CFH: variants seen among roughly 807,000 people sequenced by gnomAD.
CFH encodes H factor 1 (complement).
CFH carries 53 observed loss-of-function variants against 147.3 expected under a neutral mutation model. The observed-to-expected ratio is 0.36, with a 90% confidence interval of 0.29 to 0.45. The LOEUF (loss-of-function observed/expected upper bound fraction) is 0.45. Ranked by LOEUF, CFH falls within the 20% of genes least tolerant of loss-of-function variation. The pLI is 1.00. For missense variants in CFH, 1,380 were observed against 1,498.0 expected (o/e 0.92, Z 1.30); for synonymous variants, 536 against 489.4 (o/e 1.10, Z -1.26).
intron 3 of CFH, among the ~76,000 whole-genome samples, chr1:196,674,579 T>G (rs149265489): frequency 2.1e-5 from 3 of 143,944 alleles, no homozygotes; most frequent in African/African-American, 7.3e-5. Context: ...AGATGAAAAA[T>G]TATTTTGGAG....
chr1:196,744,903 C>A (rs185714338), intron 20 of CFH, among the ~76,000 whole-genome samples: 27 of 152,136 alleles, frequency 1.8e-4, no homozygotes, highest in African/African-American at 6.5e-4. Context: ...CCCTTGGTAT[C>A]CCTTTCTCTG....
At chr1:196,723,325 ACT>A (rs1157081844) in intron 11 of CFH, among the ~76,000 whole-genome samples, 8 of 151,812 alleles carry the variant, frequency 5.3e-5, no homozygotes, top group African/African-American at 1.9e-4. Flanking sequence ...AGTGGTAAAG[ACT>A]CTGTTTGAGT....
intron 1 of CFH, among the ~76,000 whole-genome samples, chr1:196,653,297 C>T (rs1242877922): frequency 1.3e-5 from 2 of 151,488 alleles, no homozygotes; most frequent in African/African-American, 4.8e-5. Flanking sequence ...TTATATGTAG[C>T]CACTTTTTAA....
At position 196,747,104 on chromosome 1, in the gene CFH, T is replaced by G; in HGVS notation, c.3494-7T>G. 6.2e-7 allele frequency: 1 copy of G among 1,613,840 alleles called. No individual in the cohort carries two copies. Among genetic ancestry groups the G allele is most frequent in the Non-Finnish European group, 8.5e-7 (1 of 1,179,806 alleles). The stretch of plus-strand genomic sequence containing the variant: ...AATGTTTTATGTTTACTGTTTTTTA[T>G]TTTCAGATCCGTGTGTAATATCCCG... On this transcript the variant is annotated splice_region_variant and splice_polypyrimidine_tract_variant and intron_variant, in intron 21 of 21. Coordinates refer to ENST00000367429, the MANE Select transcript of CFH (RefSeq NM_000186.4).
chr1:196,704,386 G>C (rs1004098771), intron 9 of CFH, among the ~76,000 whole-genome samples: 4 of 152,186 alleles, frequency 2.6e-5, no homozygotes, highest in Non-Finnish European at 4.4e-5. Context: ...ACAGGTGTGA[G>C]CCACTGCTCC....
chr1:196,658,112 A>C (rs1163665172), intron 1 of CFH, among the ~76,000 whole-genome samples: 1 of 152,142 alleles, frequency 6.6e-6, no homozygotes, highest in Non-Finnish European at 1.5e-5. Context: ...ATTAAGTAAT[A>C]TTGATTTTTA....
rs1016752755 is a variant in CFH at position 196,679,639 on chromosome 1, C to T, written c.636C>T (p.Ser212=). The part of the protein sequence containing the change: ...KPKCVEISCK[S]PDVINGSPIS... ...TTTATTTAGAAATTTCATGCAAATC[C>T]CCAGATGTTATAAATGGATCTCCTA... is the stretch of plus-strand genomic sequence containing the variant. Residue 212 remains serine, a synonymous_variant, in exon 6 of 22, where the codon TCC becomes TCT. Transcript: ENST00000367429. 7 of 1,604,248 alleles carry T rather than the reference C, an allele frequency of 4.4e-6. No homozygotes were observed. Among genetic ancestry groups the T allele is most frequent in the Admixed American group, 1.7e-5 (1 of 59,666 alleles).
At chr1:196,731,947 G>A (rs1490929301) in intron 15 of CFH, among the ~76,000 whole-genome samples, 1 of 151,766 alleles carries the variant, frequency 6.6e-6, no homozygotes, top group Non-Finnish European at 1.5e-5. Flanking sequence ...TAATTTGATT[G>A]TGTTATGTCT....
At position 196,745,876 on chromosome 1, in the gene CFH, C is replaced by T; in HGVS notation, c.3370C>T (p.Pro1124Ser). The change falls in exon 21 of 22, where the codon CCG becomes TCG. Residue 1124 changes from proline to serine, a missense_variant. Physicochemically the swap from Pro to Ser is moderately conservative, Grantham distance 74 (BLOSUM62 -1). This residue lies in a region of CFH where 123 missense variants were observed against 185.3 expected (regional missense o/e 0.66). Transcript: ENST00000367429. ...TGACAATGGGGACATTACTTCATTC[C>T]CGTTGTCAGTATATGCTCCAGCTTC... is the stretch of plus-strand genomic sequence containing the variant. ...PIDNGDITSFPLSVYAPASSV... is the reference protein window; with the variant it reads ...PIDNGDITSFSLSVYAPASSV... 6.2e-7 allele frequency: 1 copy of T among 1,614,056 alleles called. No homozygotes were observed. The highest frequency in any genetic ancestry group is 8.5e-7 in the Non-Finnish European group (1 of 1,180,016).
chr1:196,662,091 G>A (rs1407948166), intron 1 of CFH, among the ~76,000 whole-genome samples: 1 of 152,132 alleles, frequency 6.6e-6, no homozygotes, highest in Non-Finnish European at 1.5e-5. Flanking sequence ...CCTTTCAAAT[G>A]ATTTGATCTG....
At chr1:196,666,173 A>G (rs1009052079) in intron 1 of CFH, among the ~76,000 whole-genome samples, 2 of 152,184 alleles carry the variant, frequency 1.3e-5, no homozygotes, top group African/African-American at 4.8e-5. Context: ...ATGCCCGGTA[A>G]CAACAGAATT....
At chr1:196,740,916 T>G in intron 18 of CFH, 124 bp downstream of exon 18, 1 of 991,462 alleles carries the variant, frequency 1.0e-6, no homozygotes, top group South Asian at 1.4e-5. Flanking sequence ...TATTCTGGAC[T>G]GCTGTGGGAA....
chr1:196,700,693 A>G (rs1030680965), intron 9 of CFH: 1 of 265,888 alleles, frequency 3.8e-6, no homozygotes, highest in African/African-American at 2.3e-5. Flanking sequence ...ATTCATGGCA[A>G]GCCACTCTCC....
intron 9 of CFH, among the ~76,000 whole-genome samples, chr1:196,696,408 C>A (rs189679640): frequency 1.2e-3 from 183 of 152,188 alleles, no homozygotes; most frequent in African/African-American, 4.2e-3. Flanking sequence ...TTCCTTGAAA[C>A]CAATGAGAAG....
chr1:196,667,386 C>T lies in CFH; in HGVS notation c.59-5592C>T, dbSNP rs546659302. ...AGCTCCAGCAAACATTGTTCAGACA[C>T]ATTTGCAATTATTACATCTTTCTGT... On this transcript the variant is annotated intron_variant, in intron 1 of 21. Transcript: ENST00000367429. 1.2e-4 allele frequency among the ~76,000 whole-genome samples: 19 copies of T among 152,314 alleles called. No homozygotes were observed. The South Asian group carries it at 3.3e-3, about 27-fold the overall frequency.
intron 1 of CFH, among the ~76,000 whole-genome samples, chr1:196,670,214 GC>G (rs1392049905): frequency 6.6e-6 from 1 of 152,124 alleles, no homozygotes; most frequent in African/African-American, 2.4e-5. Context: ...GAAGGGACTT[GC>G]CTTGTCTCAG....
intron 7 of CFH, 94 bp downstream of exon 7, chr1:196,685,331 T>C: frequency 7.9e-7 from 1 of 1,262,894 alleles, no homozygotes; most frequent in Non-Finnish European, 1.2e-6. Context: ...AATATTTGTC[T>C]TATTGTATAT....
At chr1:196,695,422 G>T (rs1668219827) in intron 9 of CFH, among the ~76,000 whole-genome samples, 1 of 152,170 alleles carries the variant, frequency 6.6e-6, no homozygotes, top group African/African-American at 2.4e-5. Context: ...TTGTAGTATA[G>T]TTTGAAATCA....
intron 11 of CFH, among the ~76,000 whole-genome samples, chr1:196,719,263 C>A (rs1307982180): frequency 6.6e-6 from 1 of 151,878 alleles, no homozygotes; most frequent in Admixed American, 6.6e-5. Context: ...TAATCAAGAT[C>A]TTAACTTTCC....
Sources: allele counts gnomAD v4.1 joint callset (sites outside exome capture counted in the v4.1 genomes callset), GRCh38; gene constraint gnomAD v4.1.1; regional missense constraint gnomAD v4.1.1; transcripts MANE v1.5; gene names NCBI Gene and HGNC (gene_info 2026-07-23, HGNC 2026-07-21).